The following METTL15 variants were observed in gnomAD, a reference collection of about 807,000 sequenced individuals.
The protein encoded by METTL15 is methyltransferase 15, mitochondrial 12S rRNA N4-cytidine, also known as 12S rRNA N(4)-cytidine methyltransferase METTL15.
Under a neutral mutation model 38.3 loss-of-function variants are expected in METTL15, and 34 were observed. The ratio of observed to expected loss-of-function variants is 0.89; its 90% confidence interval spans 0.68 to 1.18. METTL15 has a LOEUF of 1.18. Among genes scored for constraint, METTL15 ranks in the 50% most tolerant of loss-of-function variants. METTL15 has a pLI of 0.00. For synonymous variants in METTL15, 162 were observed against 170.9 expected (o/e 0.95, Z 0.41); for missense variants, 438 against 498.4 (o/e 0.88, Z 1.15).
chr11:28,268,985 T>C (rs1855539236), intron 4 of METTL15, among the ~76,000 whole-genome samples: 1 of 152,294 alleles, frequency 6.6e-6, no homozygotes, highest in South Asian at 2.1e-4. Flanking sequence ...AGGTACTATT[T>C]TGGTATAATC....
rs1851578140 is a variant in METTL15 at position 28,108,444 on chromosome 11, G to C, written c.-262G>C. 1 of 152,782 alleles carries C rather than the reference G, an allele frequency of 6.5e-6. No individual in the cohort carries two copies. The highest frequency in any genetic ancestry group is 1.5e-5 in the Non-Finnish European group (1 of 68,516). 9.5% of individuals were successfully genotyped at this position (152,782 alleles called of 1,614,324 possible). A position where few individuals can be genotyped will look rare whatever the true frequency, so the allele number is the denominator to read the frequency against. On this transcript the variant is annotated 5_prime_UTR_variant, in exon 1 of 7. Transcript: ENST00000407364. ...CCGGCGGGTGCAGGGCCCGGTCCCAGAGTTAAGGGTGTGAGTGAGACTGCT... is the reference window on the plus strand; with the variant it reads ...CCGGCGGGTGCAGGGCCCGGTCCCACAGTTAAGGGTGTGAGTGAGACTGCT...
Position 28,331,874 on chromosome 11 carries a change from A to G in METTL15, c.*1033A>G, listed in dbSNP as rs1367513446. On this transcript the variant is annotated 3_prime_UTR_variant, in exon 7 of 7. Transcript: ENST00000407364. ...AAGATGAGTTGGAGATAATTAGTCA[A>G]AGGGCACATGGAGTATGGAAGGGGG... 6.6e-6 allele frequency: 1 copy of G among 152,150 alleles called. No homozygotes were observed. The highest frequency in any genetic ancestry group is 2.4e-5 in the African/African-American group (1 of 41,446). 9.4% of individuals were successfully genotyped at this position (152,150 alleles called of 1,614,324 possible).
intron 3 of METTL15, among the ~76,000 whole-genome samples, chr11:28,117,259 G>GTGTATATATATA (rs1353342377): frequency 9.2e-6 from 1 of 108,586 alleles, no homozygotes; most frequent in Non-Finnish European, 1.8e-5. Context: ...GTGTGTGTGT[G>GTGTATATATATA]TATATATATA....
intron 2 of METTL15, among the ~76,000 whole-genome samples, chr11:28,112,512 T>G (rs1414060688): frequency 1.3e-5 from 2 of 152,208 alleles, no homozygotes; most frequent in Non-Finnish European, 2.9e-5. Flanking sequence ...CTCCTGTTAA[T>G]ATATGTACAT....
In METTL15 at chr11:28,481,653, C is replaced by T. The variant is rs1851396178; in HGVS notation, c.*425-44825C>T. 2.0e-5 allele frequency among the ~76,000 whole-genome samples: 3 copies of T among 152,272 alleles called. No individual in the cohort carries two copies. The South Asian group carries it at 6.2e-4, about 32-fold the overall frequency. On this transcript the variant is annotated intron_variant and NMD_transcript_variant, in intron 6 of 7. Transcript: ENST00000532947. Reference sequence around the variant, plus strand: ...GCGGCCAGCAGGATCACATCCCATCCTGGCCCAGAGGTACCCGAGCAAAAG... The same window carrying T: ...GCGGCCAGCAGGATCACATCCCATCTTGGCCCAGAGGTACCCGAGCAAAAG...
rs527928002 is a variant in METTL15 at position 28,388,727 on chromosome 11, A to T, written c.*358+26691A>T. Among the ~76,000 whole-genome samples the T allele has an allele frequency of 1.4e-4, 21 of 152,242 alleles. No homozygotes were observed. The South Asian group carries it at 1.9e-3, about 14-fold the overall frequency. On this transcript the variant is annotated intron_variant and NMD_transcript_variant, in intron 5 of 7. Transcript: ENST00000532947. ...TTAACTTTTAGGGGACATATGCACA[A>T]CGTGCAGGTTTGTTACATATGTATA...
At chr11:28,126,894 T>C (rs1371667461) in intron 3 of METTL15, among the ~76,000 whole-genome samples, 1 of 152,098 alleles carries the variant, frequency 6.6e-6, no homozygotes, top group Non-Finnish European at 1.5e-5. Context: ...TTTAAAGTGG[T>C]AAGATTTTCT....
intron 3 of METTL15, among the ~76,000 whole-genome samples, chr11:28,171,192 G>T (rs745565351): frequency 6.6e-6 from 1 of 152,136 alleles, no homozygotes; most frequent in African/African-American, 2.4e-5. Context: ...AGTTTTGGGA[G>T]TGAATATTAA....
chr11:28,286,343 A>G (rs893670187), intron 4 of METTL15, among the ~76,000 whole-genome samples: 2 of 152,180 alleles, frequency 1.3e-5, no homozygotes, highest in African/African-American at 4.8e-5. Flanking sequence ...CACATAAGTT[A>G]GGGTTTGATT....
At chr11:28,246,984 T>G (rs1319020180) in intron 4 of METTL15, among the ~76,000 whole-genome samples, 1 of 152,184 alleles carries the variant, frequency 6.6e-6, no homozygotes, top group African/African-American at 2.4e-5. Flanking sequence ...ATTGCCTCTT[T>G]CACTGTGTAT....
chr11:28,214,184 A>G (rs1852766841), intron 4 of METTL15, among the ~76,000 whole-genome samples: 1 of 152,002 alleles, frequency 6.6e-6, no homozygotes, highest in Non-Finnish European at 1.5e-5. Context: ...CTGGGACTAC[A>G]GGTATGCACC....
At chr11:28,507,370 C>T (rs1218096262) in intron 6 of METTL15, among the ~76,000 whole-genome samples, 3 of 152,248 alleles carry the variant, frequency 2.0e-5, no homozygotes, top group Middle Eastern at 3.4e-3. Context: ...TAAGAACTCA[C>T]TATCACAAGA....
At chr11:28,123,856 G>A in intron 3 of METTL15, 1 of 1,451,178 alleles carries the variant, frequency 6.9e-7, no homozygotes, top group Non-Finnish European at 9.2e-7. Flanking sequence ...TTTTCTTTCT[G>A]GCAAGCAAAA....
intron 3 of METTL15, among the ~76,000 whole-genome samples, chr11:28,180,184 T>C (rs569204853): frequency 2.0e-5 from 3 of 151,890 alleles, no homozygotes; most frequent in Non-Finnish European, 2.9e-5. Context: ...TTATGTTTTG[T>C]TGTTGAGTGA....
chr11:28,497,346 T>G, intron 6 of METTL15, among the ~76,000 whole-genome samples: 1 of 152,188 alleles, frequency 6.6e-6, no homozygotes, highest in East Asian at 1.9e-4. Context: ...TAATACAAGC[T>G]TATGTGTTGA....
chr11:28,149,314 A>G (rs1849997197), intron 3 of METTL15, among the ~76,000 whole-genome samples: 1 of 151,806 alleles, frequency 6.6e-6, no homozygotes. Context: ...TGATAATATA[A>G]TGACAAAAAT....
At chr11:28,403,050 A>G (rs910910105) in intron 5 of METTL15, among the ~76,000 whole-genome samples, 1 of 151,980 alleles carries the variant, frequency 6.6e-6, no homozygotes, top group Non-Finnish European at 1.5e-5. Flanking sequence ...TTGCTCATCC[A>G]TCTTCTGTTC....
intron 5 of METTL15, among the ~76,000 whole-genome samples, chr11:28,409,236 G>A (rs906337104): frequency 6.6e-6 from 1 of 151,788 alleles, no homozygotes; most frequent in African/African-American, 2.4e-5. Context: ...CAAAAAATTA[G>A]CCTGGCGGGG....
chr11:28,214,026 T>C (rs1302686905), intron 4 of METTL15, among the ~76,000 whole-genome samples: 1 of 152,116 alleles, frequency 6.6e-6, no homozygotes, highest in Non-Finnish European at 1.5e-5. Context: ...ATTATGAATT[T>C]AGCATGATTT....
Sources: gnomAD v4.1 joint callset for allele counts (sites outside exome capture counted in the v4.1 genomes callset) on GRCh38, gnomAD v4.1.1 for gene constraint, MANE v1.5 for transcripts, NCBI Gene and HGNC (gene_info 2026-07-23, HGNC 2026-07-21) for gene names.